TNKS: variants seen among roughly 807,000 people sequenced by gnomAD.
TNKS encodes tankyrase.
Under a neutral mutation model 135.8 loss-of-function variants are expected in TNKS, and 72 were observed. The observed-to-expected ratio is 0.53, with a 90% CI of 0.44 to 0.64. The LOEUF is 0.64. TNKS is among the 30% of genes least tolerant of loss of function. The probability of loss-of-function intolerance (pLI) is 0.00; values close to 1 mark genes in which losing one functional copy is unlikely to be tolerated. For missense variants in TNKS, 1,769 were observed against 1,674.0 expected (o/e 1.06, Z -0.99); for synonymous variants, 849 against 649.3 (o/e 1.31, Z -4.68).
intron 1 of TNKS, among the ~76,000 whole-genome samples, chr8:9,579,557 C>T (rs1585190985): frequency 6.6e-6 from 1 of 152,168 alleles, no homozygotes; most frequent in Non-Finnish European, 1.5e-5. Flanking sequence ...CCATCTCTGC[C>T]TCCCAGGTTC....
chr8:9,766,821 T>G (rs1301288583), intron 25 of TNKS, among the ~76,000 whole-genome samples: 2 of 152,160 alleles, frequency 1.3e-5, no homozygotes, highest in Non-Finnish European at 2.9e-5. Context: ...AGTCACAGAT[T>G]ATCCTCAGTC....
rs570821954 is a variant in TNKS, at chr8:9,615,913, TTCAC to T, written c.994+239_994+242del. ...ATGATAGCATTAAATCATAACATCT[TTCAC>T]TCGTATTTTAGTCATTTTTATGGTT... On this transcript the variant is annotated intron_variant, in intron 3 of 26. Coordinates refer to ENST00000310430, the MANE Select transcript of TNKS (RefSeq NM_003747.3). 1.9e-3 allele frequency among the ~76,000 whole-genome samples: 289 copies of T among 152,350 alleles called. 1 individual carries two copies. The highest frequency in any genetic ancestry group is 6.7e-3 in the African/African-American group (277 of 41,592).
intron 2 of TNKS, among the ~76,000 whole-genome samples, chr8:9,590,512 T>G (rs964036263): frequency 2.0e-5 from 3 of 152,226 alleles, no homozygotes; most frequent in Non-Finnish European, 2.9e-5. Flanking sequence ...CTGTGTACTC[T>G]TCCCAACTTT....
In TNKS at chr8:9,772,809, T is replaced by TTGTGTGTGTGTGTG. The variant is rs368113364; in HGVS notation, c.3897+2555_3897+2568dup. On this transcript the variant is annotated intron_variant, in intron 26 of 26. Coordinates refer to ENST00000310430, the MANE Select transcript of TNKS (RefSeq NM_003747.3). ...TTGGGGAGAATGTGTGTGTGTGTGT[T>TTGTGTGTGTGTGTG]TGTGTGTGTGTGTGTGTGTGTCTGT... 4.2e-4 allele frequency among the ~76,000 whole-genome samples: 36 copies of TTGTGTGTGTGTGTG among 86,692 alleles called. 1 individual carries two copies. The highest frequency in any genetic ancestry group is 1.4e-3 in the African/African-American group (33 of 23,928). The allele number at this position is 86,692 out of a possible 152,430, so 56.9% of individuals were successfully genotyped here.
At chr8:9,755,100 C>T (rs1014703885) in intron 20 of TNKS, among the ~76,000 whole-genome samples, 1 of 152,152 alleles carries the variant, frequency 6.6e-6, no homozygotes, top group Admixed American at 6.5e-5. Context: ...TGAAAGTTTT[C>T]TAAAGAATGT....
intron 3 of TNKS, among the ~76,000 whole-genome samples, chr8:9,634,734 A>G (rs939184828): frequency 7.2e-5 from 11 of 152,170 alleles, no homozygotes; most frequent in Admixed American, 1.3e-4. Flanking sequence ...TGAGACCCCA[A>G]TAGCAGTGGA....
intron 11 of TNKS, among the ~76,000 whole-genome samples, chr8:9,712,529 C>T (rs1804389441): frequency 6.6e-6 from 1 of 152,052 alleles, no homozygotes; most frequent in African/African-American, 2.4e-5. Flanking sequence ...TTCCTAATAT[C>T]ACAATTTTTA....
chr8:9,689,331 T>C (rs528237347), intron 5 of TNKS, among the ~76,000 whole-genome samples: 4 of 152,290 alleles, frequency 2.6e-5, no homozygotes, highest in South Asian at 4.1e-4. Flanking sequence ...GTGACTAATT[T>C]AAAGAAATGT....
chr8:9,710,889 C>G (rs1050525089), intron 11 of TNKS, among the ~76,000 whole-genome samples: 1 of 151,744 alleles, frequency 6.6e-6, no homozygotes, highest in Non-Finnish European at 1.5e-5. Flanking sequence ...GAGTGAGAAT[C>G]TGTCTCAAAA....
rs1808356095 is a variant in TNKS, at chr8:9,779,022, A to AT, written c.*2287dup. 1 of 152,364 alleles carries AT rather than the reference A, an allele frequency of 6.6e-6. No homozygotes were observed. The highest frequency in any genetic ancestry group is 2.4e-5 in the African/African-American group (1 of 41,466). The allele number at this position is 152,364 out of a possible 1,614,324, so 9.4% of individuals were successfully genotyped here. A position where few individuals can be genotyped will look rare whatever the true frequency, so the allele number is the denominator to read the frequency against. On this transcript the variant is annotated 3_prime_UTR_variant, in exon 27 of 27. Coordinates refer to ENST00000310430, the MANE Select transcript of TNKS (RefSeq NM_003747.3). Reference sequence around the variant, plus strand: ...TTAAACTGCCAGTGTTATACGTCTCATGCTCTGTGTGCCAGGTGAAGGTAC... The same window carrying AT: ...TTAAACTGCCAGTGTTATACGTCTCATTGCTCTGTGTGCCAGGTGAAGGTAC...
At chr8:9,631,083 A>G (rs28562614) in intron 3 of TNKS, among the ~76,000 whole-genome samples, 15,872 of 152,244 alleles carry the variant, frequency 0.1, 963 homozygotes, top group South Asian at 0.17. Context: ...GCTTTTTTAA[A>G]CTAGATATTC....
At chr8:9,694,501 C>G (rs962567120) in intron 5 of TNKS, among the ~76,000 whole-genome samples, 3 of 152,058 alleles carry the variant, frequency 2.0e-5, no homozygotes, top group African/African-American at 4.8e-5. Context: ...GTGGCTCACA[C>G]CTGTAATCCC....
intron 3 of TNKS, among the ~76,000 whole-genome samples, chr8:9,631,676 A>G (rs1168954704): frequency 6.6e-6 from 1 of 150,626 alleles, no homozygotes; most frequent in African/African-American, 2.4e-5. Flanking sequence ...AATTTTTCCA[A>G]CTCTTTTTTT....
At chr8:9,669,957 C>T (rs991496604) in intron 3 of TNKS, among the ~76,000 whole-genome samples, 1 of 152,134 alleles carries the variant, frequency 6.6e-6, no homozygotes, top group Non-Finnish European at 1.5e-5. Context: ...TTTGCTTTTT[C>T]TCCTAAGCGT....
rs184607631 is a variant in TNKS at position 9,630,875 on chromosome 8, C to T, written c.994+15198C>T. Among the ~76,000 whole-genome samples, 116 of 152,260 alleles carry T rather than the reference C, an allele frequency of 7.6e-4. 1 individual carries two copies. Among genetic ancestry groups the T allele is most frequent in the Middle Eastern group, 3.4e-3 (1 of 294 alleles). Reference sequence around the variant, plus strand: ...TTATGCTCTAGAAACATTCTCAGATCTTTAAAAAAATTAAATAATTTTATC... The same window carrying T: ...TTATGCTCTAGAAACATTCTCAGATTTTTAAAAAAATTAAATAATTTTATC... On this transcript the variant is annotated intron_variant, in intron 3 of 26. Transcript: ENST00000310430.
At chr8:9,776,134 A>G (rs1002769853) in intron 26 of TNKS, among the ~76,000 whole-genome samples, 6 of 152,188 alleles carry the variant, frequency 3.9e-5, no homozygotes, top group Non-Finnish European at 5.9e-5. Flanking sequence ...GATGCCTTTG[A>G]GTAGTCAGTT....
At chr8:9,560,466 T>C (rs1181353043) in intron 1 of TNKS, among the ~76,000 whole-genome samples, 1 of 150,410 alleles carries the variant, frequency 6.6e-6, no homozygotes, top group African/African-American at 2.4e-5. Context: ...GACTCTTCTC[T>C]AGATTTTTCA....
chr8:9,771,214 A>AGAGGAAGGGAGGGAGAGAGC, intron 26 of TNKS, among the ~76,000 whole-genome samples: 1 of 136,110 alleles, frequency 7.3e-6, no homozygotes, highest in Non-Finnish European at 1.6e-5. Flanking sequence ...AGGAAGAGAG[A>AGAGGAAGGGAGGGAGAGAGC]GAGGAAGGGA....
intron 3 of TNKS, among the ~76,000 whole-genome samples, chr8:9,642,225 C>G (rs1800756417): frequency 6.8e-6 from 1 of 146,346 alleles, no homozygotes; most frequent in Non-Finnish European, 1.5e-5. Context: ...ATCAATTAAA[C>G]CACATTTACT....
Sources: gnomAD v4.1 joint callset for allele counts (sites outside exome capture counted in the v4.1 genomes callset) on GRCh38, gnomAD v4.1.1 for gene constraint, MANE v1.5 for transcripts, NCBI Gene and HGNC (gene_info 2026-07-23, HGNC 2026-07-21) for gene names.